COL7A1: variants seen among roughly 807,000 people sequenced by gnomAD.
The protein encoded by COL7A1 is collagen type VII alpha 1 chain, also known as collagen alpha-1(VII) chain.
Under a neutral mutation model 456.2 loss-of-function variants are expected in COL7A1, and 296 were observed. The observed-to-expected ratio is 0.65, with a 90% CI of 0.59 to 0.71. The LOEUF (loss-of-function observed/expected upper bound fraction) is 0.71. COL7A1 is among the 30% of genes least tolerant of loss of function. The pLI is 0.00. For synonymous variants in COL7A1, 1,464 were observed against 1,525.9 expected, an observed-to-expected ratio of 0.96 and a Z score of 0.95; for missense variants, 3,441 against 4,017.2, an observed-to-expected ratio of 0.86 and a Z score of 3.88.
rs1007995506 is a variant in COL7A1 at position 48,574,115 on chromosome 3, A to ACAGGCACACACAAG, written c.6501+133_6501+146dup. 1 of 1,157,510 alleles carries ACAGGCACACACAAG rather than the reference A, an allele frequency of 8.6e-7. No individual in the cohort carries two copies. The highest frequency in any genetic ancestry group is 1.3e-6 in the Non-Finnish European group (1 of 784,614). 71.7% of individuals were successfully genotyped at this position (1,157,510 alleles called of 1,614,324 possible). A position where few individuals can be genotyped will look rare whatever the true frequency, so the allele number is the denominator to read the frequency against. ...CAGGCACACACAGGCACACACAGACACAGGCACACACAAGCAGGCACACAC... is the reference window on the plus strand; with the variant it reads ...CAGGCACACACAGGCACACACAGACACAGGCACACACAAGCAGGCACACACAAGCAGGCACACAC... On this transcript the variant is annotated intron_variant, in intron 80 of 118. Coordinates refer to ENST00000681320, the MANE Select transcript of COL7A1 (RefSeq NM_000094.4). This position sits in a 1 kb window ranked among gnomAD's most constrained non-coding sequence, Gnocchi z 5.0.
Position 48,579,931 on chromosome 3 carries a change from G to A in COL7A1, c.5124+100C>T. ...CCGCGGAGGTTTCAGAGGGACAGTG[G>A]GGGAAGTGGGAGTTAGTGGAAGGAA... On this transcript the variant is annotated intron_variant, in intron 57 of 118. Transcript: ENST00000681320. The surrounding 1 kb of genome is among the most constrained non-coding windows in gnomAD (Gnocchi z 4.4). The A allele has an allele frequency of 3.7e-6, 6 of 1,605,678 alleles. No homozygotes were observed. Among genetic ancestry groups the A allele is most frequent in the Non-Finnish European group, 4.3e-6 (5 of 1,172,418 alleles).
rs773263825 is a variant in COL7A1 at position 48,586,249 on chromosome 3, A to G, written c.3551-3T>C. The G allele has an allele frequency of 6.2e-7, 1 of 1,613,662 alleles. No individual in the cohort carries two copies. Among genetic ancestry groups the G allele is most frequent in the East Asian group, 2.2e-5 (1 of 44,880 alleles). ...TCCCAACATCACCACATTAAGCCCTAAGGTGGGGTCCAGTGGCTGCATGAT... is the reference window on the plus strand; with the variant it reads ...TCCCAACATCACCACATTAAGCCCTGAGGTGGGGTCCAGTGGCTGCATGAT... On this transcript the variant is annotated splice_region_variant and splice_polypyrimidine_tract_variant and intron_variant, in intron 27 of 118. Coordinates refer to ENST00000681320, the MANE Select transcript of COL7A1 (RefSeq NM_000094.4). This position sits in a 1 kb window ranked among gnomAD's most constrained non-coding sequence, Gnocchi z 5.1.
Position 48,575,657 on chromosome 3 carries a change from T to G in COL7A1, c.5948A>C (p.Asp1983Ala). Residue 1983 changes from aspartate (D) to alanine (A), a missense_variant, in exon 73 of 119, where the codon GAC (aspartate) becomes GCC (alanine). Physicochemically the swap from Asp to Ala is moderately radical, Grantham distance 126 (BLOSUM62 -2). Transcript: ENST00000681320. The surrounding 1 kb of genome is among the most constrained non-coding windows in gnomAD (Gnocchi z 6.3). Reference protein sequence around the residue: ...VPERRRGPKGDSGEQGPPGKE... With the variant: ...VPERRRGPKGASGEQGPPGKE... ...GCCTGGGGGGCCCTGTTCGCCTGAG[T>G]CCCCCTTGGGGCCTCGACGCCGTTC... is the stretch of plus-strand genomic sequence containing the variant. 1.2e-6 allele frequency: 2 copies of G among 1,613,402 alleles called. No homozygotes were observed. The highest frequency in any genetic ancestry group is 1.7e-6 in the Non-Finnish European group (2 of 1,180,006).
At position 48,570,755 on chromosome 3, in the gene COL7A1, C is replaced by A. The variant is rs774422294; in HGVS notation, c.7273-45G>T. ...AGAGAGGCAGAGAGTGACTTGGGAA[C>A]CCTCCTACCCTCTGCCCCCTCAAGA... On this transcript the variant is annotated intron_variant, in intron 95 of 118. Coordinates refer to ENST00000681320, the MANE Select transcript of COL7A1 (RefSeq NM_000094.4). This position sits in a 1 kb window ranked among gnomAD's most constrained non-coding sequence, Gnocchi z 5.5. 1.9e-6 allele frequency: 3 copies of A among 1,555,192 alleles called. No individual in the cohort carries two copies. Among genetic ancestry groups the A allele is most frequent in the Non-Finnish European group, 2.6e-6 (3 of 1,148,856 alleles).
Position 48,585,761 on chromosome 3 carries a change from T to G in COL7A1, c.3787-27A>C. The G allele has an allele frequency of 6.2e-7, 1 of 1,614,038 alleles. No individual in the cohort carries two copies. The highest frequency in any genetic ancestry group is 1.1e-5 in the South Asian group (1 of 91,088). On this transcript the variant is annotated intron_variant, in intron 30 of 118. Coordinates refer to ENST00000681320, the MANE Select transcript of COL7A1 (RefSeq NM_000094.4). The surrounding 1 kb of genome is among the most constrained non-coding windows in gnomAD (Gnocchi z 4.5). ...TAGGAAGGGTAATCAGTGAGACCTG[T>G]GCTGCCAACCTCTCCTGCCCCACTG...
Position 48,587,038 on chromosome 3 carries a change from C to G in COL7A1, c.3210G>C (p.Glu1070Asp). Residue 1070 changes from glutamate to aspartate, a missense_variant, in exon 25 of 119, where the codon GAG becomes GAC. By Grantham distance (45) the Glu-to-Asp change is conservative. Transcript: ENST00000681320. The surrounding 1 kb of genome is among the most constrained non-coding windows in gnomAD (Gnocchi z 6.1). ...HATQDNAHRA[E>D]ATRRVLERLV... is the part of the protein sequence containing the mutation. Reference sequence around the variant, plus strand: ...GACGCTCCAGGACCCTCCTCGTAGCCTCCGCACGGTGAGCATTGTCTTGAG... The same window carrying G: ...GACGCTCCAGGACCCTCCTCGTAGCGTCCGCACGGTGAGCATTGTCTTGAG... 6.2e-7 allele frequency: 1 copy of G among 1,607,844 alleles called. No homozygotes were observed. The highest frequency in any genetic ancestry group is 2.2e-5 in the East Asian group (1 of 44,696).
chr3:48,590,169 G>C lies in COL7A1; in HGVS notation c.2050+44C>G, dbSNP rs1355030034. 1 of 1,603,046 alleles carries C rather than the reference G, an allele frequency of 6.2e-7. No homozygotes were observed. The highest frequency in any genetic ancestry group is 1.3e-5 in the African/African-American group (1 of 74,734). On this transcript the variant is annotated intron_variant, in intron 16 of 118. Transcript: ENST00000681320. This position sits in a 1 kb window ranked among gnomAD's most constrained non-coding sequence, Gnocchi z 4.6. ...CAAGGGAAGGCATGGGGGTCTGAAAGAGCAATGGAGGCAGAGAGCCAAGGG... is the reference window on the plus strand; with the variant it reads ...CAAGGGAAGGCATGGGGGTCTGAAACAGCAATGGAGGCAGAGAGCCAAGGG...
At chr3:48,589,539 C>T (rs2045543041) in intron 17 of COL7A1, 60 bp downstream of exon 17, 2 of 1,612,322 alleles carry the variant, frequency 1.2e-6, no homozygotes, top group African/African-American at 1.3e-5. Flanking sequence ...CCTGGACCCC[C>T]AATAAACCCC....
At position 48,587,297 on chromosome 3, in the gene COL7A1, C is replaced by G. The variant is rs1461071650; in HGVS notation, c.3032G>C (p.Ser1011Thr). Reference sequence around the variant, plus strand: ...CTCTAGCCCTGTCACCCGCTGGGAGCTTGAGATCCCTGGAAGTGTCTGCGG... The same window carrying G: ...CTCTAGCCCTGTCACCCGCTGGGAGGTTGAGATCCCTGGAAGTGTCTGCGG... ...GSPQTLPGIS[S>T]SQRVTGLEPG... Residue 1011 changes from serine to threonine, a missense_variant, in exon 24 of 119, where the codon AGC (serine) becomes ACC (threonine). Ser to Thr is a moderately conservative substitution (Grantham distance 58). Around this residue, in one of 3 missense-constraint regions of COL7A1, gnomAD observed 444 missense variants for 427.6 expected, o/e 1.04. Coordinates refer to ENST00000681320, the MANE Select transcript of COL7A1 (RefSeq NM_000094.4). The surrounding 1 kb of genome is among the most constrained non-coding windows in gnomAD (Gnocchi z 6.1). 3.1e-6 allele frequency: 5 copies of G among 1,604,774 alleles called. No individual in the cohort carries two copies. The highest frequency in any genetic ancestry group is 4.3e-6 in the Non-Finnish European group (5 of 1,175,576).
At position 48,588,692 on chromosome 3, in the gene COL7A1, G is replaced by T. The variant is rs779971261; in HGVS notation, c.2537C>A (p.Ala846Glu). Residue 846 changes from alanine (A) to glutamate (E), a missense_variant, in exon 20 of 119, where the codon GCA (alanine) becomes GAA (glutamate). Transcript: ENST00000681320. The surrounding 1 kb of genome is among the most constrained non-coding windows in gnomAD (Gnocchi z 4.6). ...TGTGCCCTCGCGGTCCCCGACAAGT[G>T]CAGTCACTCGCACTGAGTAGCTGAC... ...GGVSYSVRVT[A>E]LVGDREGTPV... 4.3e-6 allele frequency: 7 copies of T among 1,613,888 alleles called. No individual in the cohort carries two copies. The highest frequency in any genetic ancestry group is 5.9e-6 in the Non-Finnish European group (7 of 1,180,048).
At position 48,580,087 on chromosome 3, in the gene COL7A1, G is replaced by C. The variant is rs759205107; in HGVS notation, c.5098-30C>G. The C allele has an allele frequency of 1.9e-6, 3 of 1,613,236 alleles. No individual in the cohort carries two copies. Among genetic ancestry groups the C allele is most frequent in the Non-Finnish European group, 2.5e-6 (3 of 1,179,594 alleles). On this transcript the variant is annotated intron_variant, in intron 56 of 118. Transcript: ENST00000681320. This position sits in a 1 kb window ranked among gnomAD's most constrained non-coding sequence, Gnocchi z 4.5. ...GAAAGGAAATGATTATAGTCAATAG[G>C]AGCCCTCAGGTCCCAGGCCATGGCT...
Position 48,571,268 on chromosome 3 carries a change from C to G in COL7A1, c.7079G>C (p.Gly2360Ala). 1 of 1,614,158 alleles carries G rather than the reference C, an allele frequency of 6.2e-7. No individual in the cohort carries two copies. The highest frequency in any genetic ancestry group is 8.5e-7 in the Non-Finnish European group (1 of 1,180,044). The part of the protein sequence containing the change: ...PGDPGEDGQK[G>A]APGPKGFKGD... ...CTTGAAACCTTTGGGTCCTGGAGCCCCTTTCTGACCCTAAGAAAACCCAGC... is the reference window on the plus strand; with the variant it reads ...CTTGAAACCTTTGGGTCCTGGAGCCGCTTTCTGACCCTAAGAAAACCCAGC... The change falls in exon 93 of 119, where the codon GGG becomes GCG. Residue 2360 changes from glycine (G) to alanine (A), a missense_variant. By Grantham distance (60) the Gly-to-Ala change is moderately conservative (BLOSUM62 0). Coordinates refer to ENST00000681320, the MANE Select transcript of COL7A1 (RefSeq NM_000094.4). The surrounding 1 kb of genome is among the most constrained non-coding windows in gnomAD (Gnocchi z 4.6).
Position 48,588,356 on chromosome 3 carries a change from C to A in COL7A1, c.2636G>T (p.Gly879Val). ...ALGTLHVVQRGEHSLRLRWEP... is the reference protein window; with the variant it reads ...ALGTLHVVQRVEHSLRLRWEP... ...CCAGCGCAGCCTCAGCGAGTGCTCC[C>A]CGCGCTGCACCACGTGAAGCGTCCC... Residue 879 changes from glycine (G) to valine (V), a missense_variant, in exon 21 of 119, where the codon GGG (glycine) becomes GTG (valine). Transcript: ENST00000681320. This position sits in a 1 kb window ranked among gnomAD's most constrained non-coding sequence, Gnocchi z 4.6. 1 of 1,612,490 alleles carries A rather than the reference C, an allele frequency of 6.2e-7. No individual in the cohort carries two copies.
rs149267939 is a variant in COL7A1 at position 48,576,250 on chromosome 3, G to A, written c.5819C>T (p.Pro1940Leu). Residue 1940 changes from proline to leucine, a missense_variant and splice_region_variant, in exon 71 of 119, where the codon CCG becomes CTG. Coordinates refer to ENST00000681320, the MANE Select transcript of COL7A1 (RefSeq NM_000094.4). Reference protein sequence around the residue: ...RGLRGEPGSVPNVDRLLETAG... With the variant: ...RGLRGEPGSVLNVDRLLETAG... Reference sequence around the variant, plus strand: ...GGGGACATCCCAAGCCTGGCTCACCGGCACACTTCCAGGCTCTCCTCGCAG... The same window carrying A: ...GGGGACATCCCAAGCCTGGCTCACCAGCACACTTCCAGGCTCTCCTCGCAG... 2,467 of 1,613,652 alleles carry A rather than the reference G, an allele frequency of 1.5e-3. 5 individuals are homozygous for A. Among genetic ancestry groups the A allele is most frequent in the Non-Finnish European group, 1.8e-3 (2,128 of 1,179,990 alleles).
In COL7A1 at chr3:48,566,719, C is replaced by CG. The variant is rs2107632018; in HGVS notation, c.8244dup (p.Gly2749ArgfsTer41). ...CCAGGAGCCCCCACCACTCTCTCTC[C>CG]GGGGGGACCTCGCTCACCCTGTCAG... is the stretch of plus-strand genomic sequence containing the variant. On this transcript the variant is annotated frameshift_variant, in exon 112 of 119. Transcript: ENST00000681320. LOFTEE classifies it high-confidence loss of function. The surrounding 1 kb of genome is among the most constrained non-coding windows in gnomAD (Gnocchi z 5.9). The CG allele has an allele frequency of 6.2e-7, 1 of 1,613,896 alleles. No individual in the cohort carries two copies. Among genetic ancestry groups the CG allele is most frequent in the Non-Finnish European group, 8.5e-7 (1 of 1,179,970 alleles).
rs765353150 is a variant in COL7A1, at chr3:48,587,913, C to T, written c.2737G>A (p.Gly913Arg). 3 of 1,602,636 alleles carry T rather than the reference C, an allele frequency of 1.9e-6. No homozygotes were observed. The highest frequency in any genetic ancestry group is 2.2e-5 in the South Asian group (2 of 89,588). The change falls in exon 22 of 119, where the codon GGG becomes AGG. Residue 913 changes from glycine (G) to arginine (R), a missense_variant. Gly to Arg is a moderately radical substitution (Grantham distance 125, BLOSUM62 -2). This residue lies in a region of COL7A1 where 444 missense variants were observed against 427.6 expected (regional missense o/e 1.04). Transcript: ENST00000681320. The surrounding 1 kb of genome is among the most constrained non-coding windows in gnomAD (Gnocchi z 6.1). ...EGGQEQSRVL[G>R]PELSSYHLDG... ...AGGTGATAGCTGCTGAGCTCGGGCC[C>T]CAGGACCCGGGACTGTTCCTGGCCA...
chr3:48,572,086 T>C lies in COL7A1; in HGVS notation c.7023+41A>G. 6.2e-7 allele frequency: 1 copy of C among 1,613,590 alleles called. No homozygotes were observed. Among genetic ancestry groups the C allele is most frequent in the Non-Finnish European group, 8.5e-7 (1 of 1,179,832 alleles). On this transcript the variant is annotated intron_variant, in intron 91 of 118. Coordinates refer to ENST00000681320, the MANE Select transcript of COL7A1 (RefSeq NM_000094.4). This position sits in a 1 kb window ranked among gnomAD's most constrained non-coding sequence, Gnocchi z 4.6. ...GGTGAGGGGTGTCTGGACTGAGCCT[T>C]CTCTGCTCAGTAGTCAGGCCCCAGG...
chr3:48,565,296 G>C lies in COL7A1; in HGVS notation c.8528-95C>G. On this transcript the variant is annotated intron_variant, in intron 116 of 118. Coordinates refer to ENST00000681320, the MANE Select transcript of COL7A1 (RefSeq NM_000094.4). This position sits in a 1 kb window ranked among gnomAD's most constrained non-coding sequence, Gnocchi z 4.5. ...TCCACTGTGTGCACACAGTGCCCAT[G>C]CGTGTGCCCTGCATGCAGACCCTAC... 1 of 1,485,310 alleles carries C rather than the reference G, an allele frequency of 6.7e-7. No homozygotes were observed. The highest frequency in any genetic ancestry group is 1.2e-5 in the South Asian group (1 of 85,146). The allele number at this position is 1,485,310 out of a possible 1,614,324, so 92.0% of individuals were successfully genotyped here.
rs888318698 is a variant in COL7A1 at position 48,572,874 on chromosome 3, G to T, written c.6819C>A (p.Ser2273Arg). 2.5e-6 allele frequency: 4 copies of T among 1,613,882 alleles called. No homozygotes were observed. Among genetic ancestry groups the T allele is most frequent in the Non-Finnish European group, 3.4e-6 (4 of 1,180,006 alleles). ...CCAGAACACATACTGGCACACCAGG[G>T]CTCCCTCTGTCTCCATCTTTTCCAC... ...GASGKDGDRG[S>R]PGVPGSPGLP... Residue 2273 changes from serine (S) to arginine (R), a missense_variant, in exon 87 of 119, where the codon AGC (serine) becomes AGA (arginine). Around this residue, in one of 3 missense-constraint regions of COL7A1, gnomAD observed 2,084 missense variants for 2,501.3 expected, o/e 0.83. Coordinates refer to ENST00000681320, the MANE Select transcript of COL7A1 (RefSeq NM_000094.4). The surrounding 1 kb of genome is among the most constrained non-coding windows in gnomAD (Gnocchi z 4.6).
Sources: gnomAD v4.1 joint callset for allele counts on GRCh38, gnomAD v4.1.1 for gene constraint, gnomAD v4.1.1 regional missense constraint, Gnocchi (gnomAD v3.1) non-coding constraint, MANE v1.5 for transcripts, NCBI Gene and HGNC (gene_info 2026-07-23, HGNC 2026-07-21) for gene names.